RNF111: variants seen among roughly 807,000 people sequenced by gnomAD.
RNF111 encodes ring finger protein 111.
Under a neutral mutation model 95.1 loss-of-function variants are expected in RNF111, and 17 were observed. The observed-to-expected ratio is 0.18, with a 90% CI of 0.12 to 0.27. The LOEUF (loss-of-function observed/expected upper bound fraction) is 0.27, where lower values mean the gene tolerates loss of function less well. RNF111 is among the 10% of genes least tolerant of loss of function. The pLI is 1.00. For synonymous variants in RNF111, 440 were observed against 414.8 expected, an observed-to-expected ratio of 1.06 and a Z score of -0.74; for missense variants, 1,189 against 1,210.4, an observed-to-expected ratio of 0.98 and a Z score of 0.26.
At chr15:59,011,444 C>A (rs900071011) in intron 1 of RNF111, among the ~76,000 whole-genome samples, 2 of 152,124 alleles carry the variant, frequency 1.3e-5, no homozygotes, top group Non-Finnish European at 2.9e-5. Context: ...AGTGTTTATT[C>A]CACAGTGTAT....
chr15:59,092,712 C>T, intron 13 of RNF111, 72 bp downstream of exon 13: 1 of 1,411,912 alleles, frequency 7.1e-7, no homozygotes, highest in Non-Finnish European at 9.6e-7. Context: ...AAGTAAATTA[C>T]ACCGGGCATG....
chr15:59,064,062 A>G (rs1275165790), intron 5 of RNF111, among the ~76,000 whole-genome samples: 2 of 152,200 alleles, frequency 1.3e-5, no homozygotes, highest in African/African-American at 4.8e-5. Context: ...ATTATAATTT[A>G]TAGGAAACAG....
chr15:59,052,700 A>AAG (rs2042043139), intron 3 of RNF111, among the ~76,000 whole-genome samples: 2 of 150,526 alleles, frequency 1.3e-5, no homozygotes, highest in Non-Finnish European at 2.9e-5. Flanking sequence ...GGCACATGTC[A>AAG]CTAAGCCTGT....
Position 59,031,590 on chromosome 15 carries a change from C to T in RNF111, c.768C>T (p.Ser256=), listed in dbSNP as rs1047675301. The change falls in exon 2 of 14, where the codon TCC becomes TCT. Residue 256 remains serine (S), a synonymous_variant. Coordinates refer to ENST00000348370, the MANE Select transcript of RNF111 (RefSeq NM_017610.8). ...KYALLPSSSS[S]SENDLSSESS... is the part of the protein sequence containing the mutation. The stretch of plus-strand genomic sequence containing the variant: ...CCTTGCTACCTAGTTCTAGTAGTTC[C>T]AGTGAGAATGACCTCAGCAGTGAAT... 6.2e-7 allele frequency: 1 copy of T among 1,614,122 alleles called. No homozygotes were observed. Among genetic ancestry groups the T allele is most frequent in the Non-Finnish European group, 8.5e-7 (1 of 1,180,000 alleles).
chr15:59,055,709 A>G lies in RNF111; in HGVS notation c.1035A>G (p.Arg345=). 1 of 1,613,948 alleles carries G rather than the reference A, an allele frequency of 6.2e-7. No individual in the cohort carries two copies. Among genetic ancestry groups the G allele is most frequent in the South Asian group, 1.1e-5 (1 of 91,070 alleles). The change falls in exon 4 of 14, where the codon AGA becomes AGG. Residue 345 remains arginine, a synonymous_variant. Coordinates refer to ENST00000348370, the MANE Select transcript of RNF111 (RefSeq NM_017610.8). ...CTCGTTCAACCCTTGGACACTCCAG[A>G]TCTCATTGGAGCCAGGGTTCCAGTT... ...YRSRSTLGHS[R]SHWSQGSSSH... is the part of the protein sequence containing the mutation.
intron 1 of RNF111, among the ~76,000 whole-genome samples, chr15:59,025,663 T>C (rs1044264233): frequency 3.0e-4 from 46 of 152,280 alleles, no homozygotes; most frequent in African/African-American, 8.2e-4. Flanking sequence ...GTAGACATAT[T>C]TCTAGTTGAT....
intron 7 of RNF111, among the ~76,000 whole-genome samples, chr15:59,078,625 G>A (rs59514650): frequency 0.25 from 38,206 of 150,712 alleles, 4,994 homozygotes; most frequent in East Asian, 0.42. Context: ...TCGGGAGGCC[G>A]AGGCGGGTGG....
chr15:59,019,555 C>A (rs2040231847), intron 1 of RNF111, among the ~76,000 whole-genome samples: 2 of 152,194 alleles, frequency 1.3e-5, no homozygotes, highest in Non-Finnish European at 2.9e-5. Context: ...GGTTTATACA[C>A]CATTCTTGTC....
intron 1 of RNF111, among the ~76,000 whole-genome samples, chr15:58,996,560 A>G (rs1355866482): frequency 6.6e-6 from 1 of 151,786 alleles, no homozygotes; most frequent in Non-Finnish European, 1.5e-5. Flanking sequence ...CAGCCTGGGC[A>G]GTAGAGCAAG....
intron 6 of RNF111, among the ~76,000 whole-genome samples, chr15:59,070,040 T>C (rs1204770836): frequency 1.6e-5 from 2 of 128,090 alleles, no homozygotes; most frequent in Non-Finnish European, 3.2e-5. Flanking sequence ...TTTTTTTTTT[T>C]TTTTTTTTTT....
intron 8 of RNF111, 103 bp from the exon 9 acceptor site, chr15:59,084,026 G>A: frequency 3.4e-6 from 3 of 882,762 alleles, no homozygotes; most frequent in Non-Finnish European, 4.6e-6. Context: ...CTAATCTATA[G>A]ATGTTTATAG....
At chr15:59,067,852 C>G (rs1181810752) in intron 6 of RNF111, among the ~76,000 whole-genome samples, 2 of 152,164 alleles carry the variant, frequency 1.3e-5, no homozygotes, top group Non-Finnish European at 2.9e-5. Context: ...TAAAAATAAA[C>G]AGCCTTCTCA....
At chr15:59,044,964 AATG>A (rs1326520651) in intron 2 of RNF111, among the ~76,000 whole-genome samples, 1 of 152,180 alleles carries the variant, frequency 6.6e-6, no homozygotes, top group Non-Finnish European at 1.5e-5. Flanking sequence ...TTAGAAAAAT[AATG>A]ATGTTTAAGC....
intron 2 of RNF111, among the ~76,000 whole-genome samples, chr15:59,051,285 C>T (rs2041968028): frequency 6.6e-6 from 1 of 151,090 alleles, no homozygotes; most frequent in African/African-American, 2.4e-5. Context: ...AACCCCGTCT[C>T]TACTAAAAAT....
At chr15:59,032,990 T>C (rs1348742040) in intron 2 of RNF111, among the ~76,000 whole-genome samples, 1 of 152,186 alleles carries the variant, frequency 6.6e-6, no homozygotes, top group African/African-American at 2.4e-5. Context: ...ATACAAACCA[T>C]CCTAAGATAA....
Position 59,095,767 on chromosome 15 carries a change from A to G in RNF111, c.*867A>G. 2.7e-6 allele frequency: 1 copy of G among 370,536 alleles called. No homozygotes were observed. The highest frequency in any genetic ancestry group is 4.8e-6 in the Non-Finnish European group (1 of 208,744). The allele number at this position is 370,536 out of a possible 1,614,324, so 23.0% of individuals were successfully genotyped here. Reference sequence around the variant, plus strand: ...TTTAGGGAAATTGAAAAAGACATGTAGAATTTGTTGTCTTCTGCTAAGCAC... The same window carrying G: ...TTTAGGGAAATTGAAAAAGACATGTGGAATTTGTTGTCTTCTGCTAAGCAC... On this transcript the variant is annotated 3_prime_UTR_variant, in exon 14 of 14. Transcript: ENST00000348370.
intron 2 of RNF111, among the ~76,000 whole-genome samples, chr15:59,035,154 ATGGTATGTGGGAAAC>A (rs750382347): frequency 1.2e-3 from 183 of 152,204 alleles, no homozygotes; most frequent in Non-Finnish European, 2.4e-3. Flanking sequence ...CCATGAGAAC[ATGGTATGTGGGAAAC>A]TGCCCCCATG....
intron 1 of RNF111, among the ~76,000 whole-genome samples, chr15:59,015,007 C>G (rs1179333774): frequency 6.6e-6 from 1 of 152,146 alleles, no homozygotes; most frequent in Non-Finnish European, 1.5e-5. Flanking sequence ...CCTTGGCCTC[C>G]GTAAGTGCTG....
At chr15:59,092,297 T>C (rs1463794585) in intron 12 of RNF111, among the ~76,000 whole-genome samples, 1 of 152,232 alleles carries the variant, frequency 6.6e-6, no homozygotes, top group Non-Finnish European at 1.5e-5. Context: ...TTTAAGTGAA[T>C]GAATTTCTGT....
Sources: allele counts gnomAD v4.1 joint callset (sites outside exome capture counted in the v4.1 genomes callset), GRCh38; gene constraint gnomAD v4.1.1; transcripts MANE v1.5; gene names NCBI Gene and HGNC (gene_info 2026-07-23, HGNC 2026-07-21).